The following SLC6A8 variants were observed in gnomAD, a reference collection of about 807,000 sequenced individuals.
SLC6A8 encodes sodium- and chloride-dependent creatine transporter 1.
In SLC6A8, 6 loss-of-function variants were observed where a neutral mutation model predicts 48.3. The ratio of observed to expected loss-of-function variants is 0.12; its 90% CI spans 0.07 to 0.25. The LOEUF (loss-of-function observed/expected upper bound fraction) is 0.25. Among genes scored for constraint, SLC6A8 ranks in the 10% least tolerant of loss-of-function variants. The probability of loss-of-function intolerance (pLI) is 1.00; values close to 1 mark genes in which losing one functional copy is unlikely to be tolerated. For missense variants in SLC6A8, 260 were observed against 551.5 expected, an observed-to-expected ratio of 0.47 and a Z score of 5.29; for synonymous variants, 245 against 244.0, an observed-to-expected ratio of 1.00 and a Z score of -0.04.
At chrX:153,688,862 T>TCCTCCCCCAGCAGGCCGCCGGCCC (rs1557043879) in intron 1 of SLC6A8, 26 bp downstream of exon 1, 1 of 1,013,750 alleles carries the variant, frequency 9.9e-7, no homozygotes, top group Non-Finnish European at 1.3e-6. Flanking sequence ...CGCCGCGGCC[T>TCCTCCCCCAGCAGGCCGCCGGCCC]CCTCCCCCAG....
chrX:153,692,798 C>G (rs1557044829), intron 4 of SLC6A8: 1 of 474,829 alleles, frequency 2.1e-6, no homozygotes, highest in East Asian at 4.2e-5. Context: ...CCCAGAGGCT[C>G]GCCTGCTCCC....
rs188180929 is a variant in SLC6A8 at position 153,694,796 on chromosome X, G to A, written c.1674G>A (p.Glu558=). The A allele has an allele frequency of 8.3e-7, 1 of 1,208,817 alleles. No individual in the cohort carries two copies. Among genetic ancestry groups the A allele is most frequent in the Non-Finnish European group, 1.1e-6 (1 of 894,218 alleles). Residue 558 remains glutamate, a synonymous_variant, in exon 12 of 13, where the codon GAG becomes GAA. Coordinates refer to ENST00000253122, the MANE Select transcript of SLC6A8 (RefSeq NM_005629.4). The part of the protein sequence containing the change: ...NNTYVYPWWG[E]AMGWAFALSS... ...CCTACGTGTACCCGTGGTGGGGTGA[G>A]GCCATGGGCTGGGCCTTCGCCCTGT...
In SLC6A8 at chrX:153,693,605, C is replaced by G; in HGVS notation, c.1141+19C>G. The G allele has an allele frequency of 8.3e-7, 1 of 1,206,359 alleles. No homozygotes were observed. The highest frequency in any genetic ancestry group is 1.1e-6 in the Non-Finnish European group (1 of 891,030). The stretch of plus-strand genomic sequence containing the variant: ...GAGTCAGGTAGGGCCCTACCCCCAG[C>G]CCCGCCTCCAGAGCAGCGAGTGCTA... On this transcript the variant is annotated intron_variant, in intron 7 of 12. Transcript: ENST00000253122.
In SLC6A8 at chrX:153,695,301, T is replaced by C; in HGVS notation, c.*87T>C. On this transcript the variant is annotated 3_prime_UTR_variant, in exon 13 of 13. Transcript: ENST00000253122. ...CCGCACCCCTCCAGGGGGCCTGCCT[T>C]TCCCTGACACTTTTGGGGTCTGCCT... 1 of 985,460 alleles carries C rather than the reference T, an allele frequency of 1.0e-6. No homozygotes were observed. Among genetic ancestry groups the C allele is most frequent in the Non-Finnish European group, 1.4e-6 (1 of 707,940 alleles). The allele number at this position is 985,460 out of a possible 1,213,427, so 81.2% of individuals were successfully genotyped here.
chrX:153,690,365 C>G lies in SLC6A8; in HGVS notation c.263-10C>G. The G allele has an allele frequency of 8.4e-7, 1 of 1,194,090 alleles. No individual in the cohort carries two copies. The highest frequency in any genetic ancestry group is 1.1e-6 in the Non-Finnish European group (1 of 885,960). ...GCCACCCTGAGTCCACGCTGTGCCT[C>G]CACCCCCAGGTGTGTTCCTTATTCC... On this transcript the variant is annotated splice_polypyrimidine_tract_variant and intron_variant, in intron 1 of 12. Coordinates refer to ENST00000253122, the MANE Select transcript of SLC6A8 (RefSeq NM_005629.4).
At position 153,694,852 on chromosome X, in the gene SLC6A8, T is replaced by C; in HGVS notation, c.1730T>C (p.Leu577Pro). ...SSMLCVPLHL[L>P]GCLLRAKGTM... ...ATGCTGTGCGTGCCGCTGCACCTCC[T>C]GGGCTGCCTCCTCAGGGCCAAGGGC... The change falls in exon 12 of 13, where the codon CTG (leucine) becomes CCG (proline). Residue 577 changes from leucine (L) to proline (P), a missense_variant. Around this residue, in one of 7 missense-constraint regions of SLC6A8, gnomAD observed 87 missense variants for 120.9 expected, o/e 0.72. Transcript: ENST00000253122. 1 of 1,206,098 alleles carries C rather than the reference T, an allele frequency of 8.3e-7. No individual in the cohort carries two copies. The highest frequency in any genetic ancestry group is 1.1e-6 in the Non-Finnish European group (1 of 892,811).
rs1557045848 is a variant in SLC6A8, at chrX:153,695,139, A to C, written c.1833A>C (p.Ala611=). 2.5e-6 allele frequency: 3 copies of C among 1,200,571 alleles called. No individual in the cohort carries two copies. The highest frequency in any genetic ancestry group is 3.4e-6 in the Non-Finnish European group (3 of 889,337). ...ACTTGGAGTACCGAGCTCAGGACGC[A>C]GATGTCAGGGGCCTGACCACCCTGA... is the stretch of plus-strand genomic sequence containing the variant. ...LHHLEYRAQD[A]DVRGLTTLTP... The change falls in exon 13 of 13, where the codon GCA becomes GCC. Residue 611 remains alanine, a synonymous_variant. Transcript: ENST00000253122.
At chrX:153,688,972 G>A in intron 1 of SLC6A8, 136 bp downstream of exon 1, 1 of 204,144 alleles carries the variant, frequency 4.9e-6, no homozygotes, top group Non-Finnish European at 8.4e-6. Context: ...GCCGCCCCTC[G>A]TCCGCCGCTG....
In SLC6A8 at chrX:153,695,170, G is replaced by A. The variant is rs1160275875; in HGVS notation, c.1864G>A (p.Val622Met). 1.7e-6 allele frequency: 2 copies of A among 1,192,776 alleles called. No homozygotes were observed. Among genetic ancestry groups the A allele is most frequent in the African/African-American group, 3.5e-5 (2 of 56,668 alleles). The change falls in exon 13 of 13, where the codon GTG becomes ATG. Residue 622 changes from valine to methionine, a missense_variant. Val to Met is a conservative substitution (Grantham distance 21, BLOSUM62 1). This residue lies in a region of SLC6A8 where 87 missense variants were observed against 120.9 expected (regional missense o/e 0.72). Transcript: ENST00000253122. ...DVRGLTTLTPVSESSKVVVVE... is the reference protein window; with the variant it reads ...DVRGLTTLTPMSESSKVVVVE... ...CAGGGGCCTGACCACCCTGACCCCA[G>A]TGTCCGAGAGCAGCAAGGTCGTCGT...
At position 153,696,328 on chromosome X, in the gene SLC6A8, G is replaced by C. The variant is rs1557046182; in HGVS notation, c.*1114G>C. ...CTGTGCGGGGCACACCCCCAGGAAG[G>C]GACCCTGGACACGGCTCCCACGTCC... On this transcript the variant is annotated 3_prime_UTR_variant, in exon 13 of 13. Transcript: ENST00000253122. The C allele has an allele frequency of 9.1e-6, 3 of 328,785 alleles. No individual in the cohort carries two copies. The highest frequency in any genetic ancestry group is 7.9e-5 in the African/African-American group (3 of 37,933). 27.1% of individuals were successfully genotyped at this position (328,785 alleles called of 1,213,427 possible). A position where few individuals can be genotyped will look rare whatever the true frequency, so the allele number is the denominator to read the frequency against.
In SLC6A8 at chrX:153,688,793, C is replaced by A; in HGVS notation, c.219C>A (p.Gly73=). 1 of 1,140,805 alleles carries A rather than the reference C, an allele frequency of 8.8e-7. No homozygotes were observed. Among genetic ancestry groups the A allele is most frequent in the Non-Finnish European group, 1.2e-6 (1 of 857,534 alleles). The allele number at this position is 1,140,805 out of a possible 1,213,427, so 94.0% of individuals were successfully genotyped here. The change falls in exon 1 of 13, where the codon GGC becomes GGA. Residue 73 remains glycine (G), a synonymous_variant. Coordinates refer to ENST00000253122, the MANE Select transcript of SLC6A8 (RefSeq NM_005629.4). ...MSCVGFAVGL[G]NVWRFPYLCY... ...GCGTGGGCTTCGCCGTGGGCTTGGG[C>A]AACGTGTGGCGCTTCCCCTACCTGT...
At position 153,688,552 on chromosome X, in the gene SLC6A8, C is replaced by T. The variant is rs1557043677; in HGVS notation, c.-23C>T. 3.3e-5 allele frequency: 31 copies of T among 928,909 alleles called. No individual in the cohort carries two copies. The highest frequency in any genetic ancestry group is 4.2e-5 in the Non-Finnish European group (31 of 729,912). The allele number at this position is 928,909 out of a possible 1,213,427, so 76.6% of individuals were successfully genotyped here. A position where few individuals can be genotyped will look rare whatever the true frequency, so the allele number is the denominator to read the frequency against. ...CCCGTGAGGCGCCGCGACCCCGGCC[C>T]GGCCGTGCGGCCCGCCGAGGCCATG... On this transcript the variant is annotated 5_prime_UTR_variant, in exon 1 of 13. Transcript: ENST00000253122.
At chrX:153,692,747 C>T (rs2091463287) in intron 4 of SLC6A8, 1 of 424,084 alleles carries the variant, frequency 2.4e-6, no homozygotes, top group Non-Finnish European at 4.4e-6. Flanking sequence ...AGCTCTCACT[C>T]CCCACGTGCT....
In SLC6A8 at chrX:153,696,038, C is replaced by T. The variant is rs1887780203; in HGVS notation, c.*824C>T. ...TCCCATCCCTGTGAGCCCTACCTTA[C>T]CCCTCTGCCCCTAGCCAAGGAGTGT... is the stretch of plus-strand genomic sequence containing the variant. On this transcript the variant is annotated 3_prime_UTR_variant, in exon 13 of 13. Coordinates refer to ENST00000253122, the MANE Select transcript of SLC6A8 (RefSeq NM_005629.4). The T allele has an allele frequency of 6.6e-6, 1 of 151,990 alleles. No individual in the cohort carries two copies. The highest frequency in any genetic ancestry group is 2.1e-4 in the East Asian group (1 of 4,837). 12.5% of individuals were successfully genotyped at this position (151,990 alleles called of 1,213,427 possible).
In SLC6A8 at chrX:153,694,267, T is replaced by C. The variant is rs782005255; in HGVS notation, c.1392T>C (p.Asp464=). ...TCATCGATCTCTCCATGGTGACTGA[T>C]GTGAGTGGGGTGGGGGGTCTGCCTG... ...CFVIDLSMVT[D]GGMYVFQLFD... is the part of the protein sequence containing the mutation. Residue 464 remains aspartate, a splice_region_variant and synonymous_variant, in exon 9 of 13, where the codon GAT becomes GAC. Transcript: ENST00000253122. 4 of 1,211,034 alleles carry C rather than the reference T, an allele frequency of 3.3e-6. No homozygotes were observed. The highest frequency in any genetic ancestry group is 1.8e-5 in the South Asian group (1 of 56,960).
chrX:153,693,704 G>A, intron 7 of SLC6A8, 118 bp downstream of exon 7: 3 of 947,576 alleles, frequency 3.2e-6, no homozygotes, highest in Non-Finnish European at 4.5e-6. Flanking sequence ...GAACTTGTCA[G>A]ATTGTGGGCC....
At chrX:153,689,515 T>C in intron 1 of SLC6A8, 1 of 745,622 alleles carries the variant, frequency 1.3e-6, no homozygotes, top group South Asian at 6.9e-5. Context: ...GAAGCCGAAG[T>C]GACCCGGTGA....
chrX:153,692,880 G>C (rs1394506389), intron 4 of SLC6A8, 161 bp from the exon 5 acceptor site: 8 of 691,646 alleles, frequency 1.2e-5, no homozygotes, highest in East Asian at 7.0e-5. Flanking sequence ...CAGGGCTGCC[G>C]GGGCGCAGCC....
Position 153,695,311 on chromosome X carries a change from C to G in SLC6A8, c.*97C>G. On this transcript the variant is annotated 3_prime_UTR_variant, in exon 13 of 13. Coordinates refer to ENST00000253122, the MANE Select transcript of SLC6A8 (RefSeq NM_005629.4). ...CCAGGGGGCCTGCCTTTCCCTGACA[C>G]TTTTGGGGTCTGCCTGGGGGAGGAG... 1 of 909,585 alleles carries G rather than the reference C, an allele frequency of 1.1e-6. No individual in the cohort carries two copies. Among genetic ancestry groups the G allele is most frequent in the Non-Finnish European group, 1.6e-6 (1 of 639,018 alleles). 75.0% of individuals were successfully genotyped at this position (909,585 alleles called of 1,213,427 possible). A position where few individuals can be genotyped will look rare whatever the true frequency, so the allele number is the denominator to read the frequency against.
Sources: allele counts gnomAD v4.1 joint callset, GRCh38; gene constraint gnomAD v4.1.1; regional missense constraint gnomAD v4.1.1; transcripts MANE v1.5; gene names NCBI Gene and HGNC (gene_info 2026-07-23, HGNC 2026-07-21).